Variants in RNF126 observed in about 807,000 individuals in gnomAD.
The protein encoded by RNF126 is ring finger protein 126.
RNF126 carries 20 observed loss-of-function variants against 41.9 expected under a neutral mutation model. The observed-to-expected ratio is 0.48, with a 90% CI of 0.34 to 0.69. The LOEUF (loss-of-function observed/expected upper bound fraction) is 0.69, where lower values mean the gene tolerates loss of function less well. Among genes scored for constraint, RNF126 ranks in the 30% least tolerant of loss-of-function variants. The probability of loss-of-function intolerance (pLI) is 0.01; values close to 1 mark genes in which losing one functional copy is unlikely to be tolerated. For missense variants in RNF126, 433 were observed against 460.6 expected (o/e 0.94, Z 0.55); for synonymous variants, 239 against 202.9 (o/e 1.18, Z -1.51).
chr19:660,423 C>T (rs1489504965), intron 1 of RNF126, among the ~76,000 whole-genome samples: 1 of 152,228 alleles, frequency 6.6e-6, no homozygotes, highest in Admixed American at 6.5e-5. Context: ...GTCCCCCCTG[C>T]GTCAGAGGCA....
intron 7 of RNF126, 45 bp from the exon 8 acceptor site, chr19:648,532 G>T: frequency 6.8e-7 from 1 of 1,465,112 alleles, no homozygotes; most frequent in Non-Finnish European, 9.3e-7. Flanking sequence ...TGGGGGGCCT[G>T]CCGAGCCTTC....
rs1279946518 is a variant in RNF126, at chr19:652,810, CA to C, written c.134+15del. On this transcript the variant is annotated intron_variant, in intron 2 of 8. Coordinates refer to ENST00000292363, the MANE Select transcript of RNF126 (RefSeq NM_194460.3). ...CGGCTGGCTCTTCCAGCCTCTTCAA[CA>C]GGGGGCTGCATTACCTGGTCTCTTC... The C allele has an allele frequency of 1.5e-5, 24 of 1,611,664 alleles. No individual in the cohort carries two copies. Among genetic ancestry groups the C allele is most frequent in the Non-Finnish European group, 2.0e-5 (24 of 1,178,938 alleles).
intron 4 of RNF126, 61 bp from the exon 5 acceptor site, chr19:650,357 C>T (rs2030218255): frequency 2.0e-6 from 3 of 1,470,722 alleles, no homozygotes; most frequent in Non-Finnish European, 2.8e-6. Flanking sequence ...AGGCGCCAGG[C>T]CTGCCAGGTC....
chr19:662,763 C>T (rs2144782077), intron 1 of RNF126, among the ~76,000 whole-genome samples: 1 of 152,236 alleles, frequency 6.6e-6, no homozygotes, highest in East Asian at 1.9e-4. Context: ...GTCGGGAACG[C>T]CGCGGATGTG....
rs1412911332 is a variant in RNF126, at chr19:648,429, C to T, written c.729G>A (p.Arg243=). The change falls in exon 8 of 9, where the codon CGG becomes CGA. Residue 243 remains arginine, a synonymous_variant. Coordinates refer to ENST00000292363, the MANE Select transcript of RNF126 (RefSeq NM_194460.3). ...GGAACAGGTGGTTGCAGGGCAGCTG[C>T]CGCACACGCTCACCCAGCGCGTAGT... ...KDDYALGERV[R]QLPCNHLFHD... 6.3e-7 allele frequency: 1 copy of T among 1,590,482 alleles called. No individual in the cohort carries two copies.
At chr19:652,743 G>T (rs1387134512) in intron 2 of RNF126, 83 bp downstream of exon 2, 3 of 1,325,646 alleles carry the variant, frequency 2.3e-6, no homozygotes, top group Non-Finnish European at 3.2e-6. Flanking sequence ...ACTCGGCGGG[G>T]CGGACGCCAG....
At chr19:652,607 G>A (rs2030366981) in intron 2 of RNF126, 3 of 610,550 alleles carry the variant, frequency 4.9e-6, no homozygotes, top group Admixed American at 2.9e-5. Context: ...GAGGTGAGCG[G>A]CTGCACAGGT....
At chr19:662,870 C>T (rs1294217110) in intron 1 of RNF126, among the ~76,000 whole-genome samples, 177 bp downstream of exon 1, 1 of 152,066 alleles carries the variant, frequency 6.6e-6, no homozygotes, top group Non-Finnish European at 1.5e-5. Context: ...GGTTCGCGCG[C>T]GCACCGCCCG....
intron 6 of RNF126, 168 bp from the exon 7 acceptor site, chr19:649,143 C>A: frequency 2.6e-6 from 1 of 389,592 alleles, no homozygotes; most frequent in East Asian, 3.7e-5. Context: ...CCACGCGGCC[C>A]CCCCGCTCCT....
At chr19:650,354 A>G in intron 4 of RNF126, 58 bp from the exon 5 acceptor site, 8 of 1,477,924 alleles carry the variant, frequency 5.4e-6, no homozygotes, top group Non-Finnish European at 6.5e-6. Flanking sequence ...GAGAGGCGCC[A>G]GGCCTGCCAG....
chr19:663,051 A>G lies in RNF126; in HGVS notation c.71T>C (p.Leu24Pro). 1 of 1,368,694 alleles carries G rather than the reference A, an allele frequency of 7.3e-7. No individual in the cohort carries two copies. The highest frequency in any genetic ancestry group is 9.5e-7 in the Non-Finnish European group (1 of 1,055,520). The allele number at this position is 1,368,694 out of a possible 1,614,324, so 84.8% of individuals were successfully genotyped here. ...HCCSVEIVPR[L>P]PDYICPRCES... Reference sequence around the variant, plus strand: ...CCGCCCCGGCCCGGGCCTCACCGGCAGGCGCGGGACGATCTCCACGGAGCA... The same window carrying G: ...CCGCCCCGGCCCGGGCCTCACCGGCGGGCGCGGGACGATCTCCACGGAGCA... Residue 24 changes from leucine (L) to proline (P), a missense_variant, in exon 1 of 9, where the codon CTG (leucine) becomes CCG (proline). Leu to Pro is a moderately conservative substitution (Grantham distance 98). Coordinates refer to ENST00000292363, the MANE Select transcript of RNF126 (RefSeq NM_194460.3).
intron 1 of RNF126, among the ~76,000 whole-genome samples, chr19:655,725 C>A (rs1352965626): frequency 6.6e-6 from 1 of 152,122 alleles, no homozygotes; most frequent in African/African-American, 2.4e-5. Flanking sequence ...AAGACACCTG[C>A]CCACCAAATG....
At position 648,816 on chromosome 19, in the gene RNF126, A is replaced by G. The variant is rs191360699; in HGVS notation, c.670+66T>C. On this transcript the variant is annotated intron_variant, in intron 7 of 8. Transcript: ENST00000292363. ...AAACCCTGTCTCTACTGAAAATACA[A>G]GTATGAGCCAGGCGTGGCGGCGGGT... is the stretch of plus-strand genomic sequence containing the variant. 2.8e-4 allele frequency: 266 copies of G among 948,842 alleles called. 4 individuals are homozygous for G. The East Asian group carries it at 4.6e-3, about 16-fold the overall frequency. The allele number at this position is 948,842 out of a possible 1,614,324, so 58.8% of individuals were successfully genotyped here. A position where few individuals can be genotyped will look rare whatever the true frequency, so the allele number is the denominator to read the frequency against.
chr19:647,982 C>CCGGGTCCTGCCCTGGAACAGG lies in RNF126; in HGVS notation c.*125_*145dup, dbSNP rs1568187511. 3.8e-6 allele frequency: 4 copies of CCGGGTCCTGCCCTGGAACAGG among 1,039,082 alleles called. No homozygotes were observed. The highest frequency in any genetic ancestry group is 3.2e-5 in the African/African-American group (2 of 61,832). The allele number at this position is 1,039,082 out of a possible 1,614,324, so 64.4% of individuals were successfully genotyped here. A position where few individuals can be genotyped will look rare whatever the true frequency, so the allele number is the denominator to read the frequency against. ...AAGCCAGGGGGCCGGTGGGCCGGGC[C>CCGGGTCCTGCCCTGGAACAGG]CGGGTCCTGCCCTGGAACAGGCGGG... is the stretch of plus-strand genomic sequence containing the variant. On this transcript the variant is annotated 3_prime_UTR_variant, in exon 9 of 9. Transcript: ENST00000292363.
At position 648,364 on chromosome 19, in the gene RNF126, G is replaced by GCCCCC; in HGVS notation, c.786+7_786+8insGGGGG. ...CGGGGTGGGGGGGCGGGTGGGCGGG[G>GCCCCC]CACTCACCTGCTCCAGCCAGGGCAC... On this transcript the variant is annotated splice_region_variant and intron_variant, in intron 8 of 8. Coordinates refer to ENST00000292363, the MANE Select transcript of RNF126 (RefSeq NM_194460.3). 1.2e-5 allele frequency: 6 copies of GCCCCC among 510,354 alleles called. No individual in the cohort carries two copies. The highest frequency in any genetic ancestry group is 1.8e-5 in the Non-Finnish European group (5 of 278,234). The allele number at this position is 510,354 out of a possible 1,614,324, so 31.6% of individuals were successfully genotyped here.
At position 663,034 on chromosome 19, in the gene RNF126, G is replaced by C; in HGVS notation, c.75+13C>G. 7.4e-7 allele frequency: 1 copy of C among 1,347,728 alleles called. No individual in the cohort carries two copies. Among genetic ancestry groups the C allele is most frequent in the Non-Finnish European group, 9.6e-7 (1 of 1,041,562 alleles). 83.5% of individuals were successfully genotyped at this position (1,347,728 alleles called of 1,614,324 possible). The stretch of plus-strand genomic sequence containing the variant: ...GCAGACCCTGCCGCCCGCCGCCCCG[G>C]CCCGGGCCTCACCGGCAGGCGCGGG... On this transcript the variant is annotated intron_variant, in intron 1 of 8. Transcript: ENST00000292363.
chr19:657,806 C>G (rs891520558), intron 1 of RNF126, among the ~76,000 whole-genome samples: 5 of 152,198 alleles, frequency 3.3e-5, no homozygotes, highest in Admixed American at 6.5e-5. Flanking sequence ...AGGCAAGTGA[C>G]AGGTGGATCC....
At position 652,844 on chromosome 19, in the gene RNF126, T is replaced by G. The variant is rs2030385994; in HGVS notation, c.116A>C (p.Glu39Ala). 3.1e-6 allele frequency: 5 copies of G among 1,613,148 alleles called. No homozygotes were observed. The highest frequency in any genetic ancestry group is 4.2e-6 in the Non-Finnish European group (5 of 1,179,748). Reference sequence around the variant, plus strand: ...GCATTACCTGGTCTCTTCCGGAAGCTCCTCGATAAAACCAGACTCGCATCT... The same window carrying G: ...GCATTACCTGGTCTCTTCCGGAAGCGCCTCGATAAAACCAGACTCGCATCT... ...CPRCESGFIE[E>A]LPEETRSTEN... The change falls in exon 2 of 9, where the codon GAG becomes GCG. Residue 39 changes from glutamate to alanine, a missense_variant. Glu to Ala is a moderately radical substitution (Grantham distance 107, BLOSUM62 -1). This residue lies in a region of RNF126 where 247 missense variants were observed against 224.7 expected (regional missense o/e 1.10). Coordinates refer to ENST00000292363, the MANE Select transcript of RNF126 (RefSeq NM_194460.3).
At chr19:661,709 G>C (rs143978135) in intron 1 of RNF126, among the ~76,000 whole-genome samples, 2 of 152,160 alleles carry the variant, frequency 1.3e-5, no homozygotes, top group Non-Finnish European at 2.9e-5. Context: ...CTACTCCCGG[G>C]GAACTGCACT....
Sources: allele counts gnomAD v4.1 joint callset (sites outside exome capture counted in the v4.1 genomes callset), GRCh38; gene constraint gnomAD v4.1.1; regional missense constraint gnomAD v4.1.1; transcripts MANE v1.5; gene names NCBI Gene and HGNC (gene_info 2026-07-23, HGNC 2026-07-21).